Variants in LATS2 observed in about 807,000 individuals in gnomAD.
LATS2 encodes serine/threonine-protein kinase LATS2.
A neutral mutation model predicts 76.0 loss-of-function variants in LATS2; 24 were observed. The ratio of observed to expected loss-of-function variants is 0.32; its 90% confidence interval spans 0.23 to 0.44. The LOEUF (loss-of-function observed/expected upper bound fraction) is 0.44, where lower values mean the gene tolerates loss of function less well. Among genes scored for constraint, LATS2 ranks in the 20% least tolerant of loss-of-function variants. The probability of loss-of-function intolerance (pLI) is 1.00; values close to 1 mark genes in which losing one functional copy is unlikely to be tolerated. For missense variants in LATS2, 1,286 were observed against 1,481.2 expected, an observed-to-expected ratio of 0.87 and a Z score of 2.16; for synonymous variants, 692 against 635.4, an observed-to-expected ratio of 1.09 and a Z score of -1.34.
intron 2 of LATS2, among the ~76,000 whole-genome samples, chr13:21,041,602 G>C (rs1441512348): frequency 6.6e-6 from 1 of 152,126 alleles, no homozygotes; most frequent in Non-Finnish European, 1.5e-5. Flanking sequence ...CCCCTCAGCA[G>C]ATCAGAGGGA....
chr13:21,022,896 A>T (rs1362172291), intron 2 of LATS2, among the ~76,000 whole-genome samples: 2 of 152,258 alleles, frequency 1.3e-5, no homozygotes, highest in East Asian at 1.9e-4. Flanking sequence ...CCTAGAACAC[A>T]TCTATAATCT....
At chr13:20,999,863 CAAAAAAAA>C (rs34389397) in intron 2 of LATS2, among the ~76,000 whole-genome samples, 3 of 136,196 alleles carry the variant, frequency 2.2e-5, no homozygotes, top group African/African-American at 5.4e-5. Context: ...ACTAAACATA[CAAAAAAAA>C]AAAAAAAATA....
intron 2 of LATS2, among the ~76,000 whole-genome samples, chr13:21,013,585 TC>T: frequency 6.6e-6 from 1 of 152,316 alleles, no homozygotes; most frequent in African/African-American, 2.4e-5. Flanking sequence ...TACATCCCTT[TC>T]CCGTTTATGT....
intron 1 of LATS2, among the ~76,000 whole-genome samples, chr13:21,060,790 G>C (rs1276909748): frequency 6.6e-6 from 1 of 151,388 alleles, no homozygotes; most frequent in African/African-American, 2.4e-5. Flanking sequence ...GGACTGATTG[G>C]CCCGTGGGAC....
chr13:20,993,035 C>CCA (rs1870576501), intron 2 of LATS2, among the ~76,000 whole-genome samples: 2 of 88,974 alleles, frequency 2.2e-5, no homozygotes, highest in Non-Finnish European at 4.1e-5. Flanking sequence ...ACTCCATCTC[C>CCA]AAAAAAAAAA....
intron 2 of LATS2, among the ~76,000 whole-genome samples, chr13:21,026,786 T>C (rs1565958899): frequency 6.6e-6 from 1 of 152,234 alleles, no homozygotes; most frequent in Non-Finnish European, 1.5e-5. Context: ...CAAAACCTCA[T>C]GTCAATTTTT....
At chr13:21,024,757 A>T (rs1872239862) in intron 2 of LATS2, among the ~76,000 whole-genome samples, 1 of 151,824 alleles carries the variant, frequency 6.6e-6, no homozygotes, top group Non-Finnish European at 1.5e-5. Context: ...AAATATTAAC[A>T]TTTCAACAAG....
intron 2 of LATS2, among the ~76,000 whole-genome samples, chr13:21,017,073 C>T (rs1482144968): frequency 1.3e-5 from 2 of 152,164 alleles, no homozygotes; most frequent in Non-Finnish European, 2.9e-5. Context: ...TGCTTCTTAC[C>T]CAGATTTCTA....
intron 2 of LATS2, among the ~76,000 whole-genome samples, chr13:21,043,428 T>C (rs898712188): frequency 3.5e-4 from 53 of 152,362 alleles, no homozygotes; most frequent in African/African-American, 1.3e-3. Flanking sequence ...TCTTTTTCTC[T>C]TATTATTTGG....
rs1869463645 is a variant in LATS2 at position 20,973,980 on chromosome 13, C to CCG, written c.*889_*890insCG. 1 of 201,612 alleles carries CCG rather than the reference C, an allele frequency of 5.0e-6. No individual in the cohort carries two copies. The highest frequency in any genetic ancestry group is 2.4e-5 in the African/African-American group (1 of 41,536). 12.5% of individuals were successfully genotyped at this position (201,612 alleles called of 1,614,324 possible). On this transcript the variant is annotated 3_prime_UTR_variant, in exon 8 of 8. Coordinates refer to ENST00000382592, the MANE Select transcript of LATS2 (RefSeq NM_014572.3). ...TGACAAATGTTTCAGTTCCCCCCCC[C>CCG]CAAAGAATCCAATCACAACCAAGAC...
intron 2 of LATS2, among the ~76,000 whole-genome samples, chr13:21,029,515 G>A (rs1011016419): frequency 3.9e-5 from 6 of 152,170 alleles, no homozygotes; most frequent in African/African-American, 2.4e-5. Context: ...TTGGAATGTC[G>A]GGTGCGGTGG....
intron 2 of LATS2, among the ~76,000 whole-genome samples, chr13:20,999,102 G>A (rs983623267): frequency 5.3e-5 from 8 of 152,274 alleles, no homozygotes; most frequent in Non-Finnish European, 1.0e-4. Flanking sequence ...CGCAGCACGT[G>A]CCGTGTGCGA....
chr13:21,017,568 A>C (rs1206935088), intron 2 of LATS2, among the ~76,000 whole-genome samples: 1 of 152,106 alleles, frequency 6.6e-6, no homozygotes, highest in Non-Finnish European at 1.5e-5. Context: ...TCACTAAAAA[A>C]TGCTTGGGTG....
chr13:21,011,954 A>G (rs1000048775), intron 2 of LATS2, among the ~76,000 whole-genome samples: 4 of 152,240 alleles, frequency 2.6e-5, no homozygotes, highest in African/African-American at 9.6e-5. Context: ...TTTAAGCAAA[A>G]TGATGTCTAA....
At chr13:21,057,558 T>G (rs367902164) in intron 1 of LATS2, among the ~76,000 whole-genome samples, 1 of 152,186 alleles carries the variant, frequency 6.6e-6, no homozygotes, top group Non-Finnish European at 1.5e-5. Context: ...GGCTCATGCC[T>G]GTAGGCGGGT....
rs1869428109 is a variant in LATS2, at chr13:20,973,449, CT to C, written c.*1420del. 1 of 231,980 alleles carries C rather than the reference CT, an allele frequency of 4.3e-6. No individual in the cohort carries two copies. Among genetic ancestry groups the C allele is most frequent in the Non-Finnish European group, 8.5e-6 (1 of 117,286 alleles). 14.4% of individuals were successfully genotyped at this position (231,980 alleles called of 1,614,324 possible). On this transcript the variant is annotated 3_prime_UTR_variant, in exon 8 of 8. Transcript: ENST00000382592. ...AAGCAAAAAAGAATTGAACTTTTTA[CT>C]CAAATATAAATCACTTTAAATAGGA...
In LATS2 at chr13:21,007,668, G is replaced by GTATATATATATAGTGTATATATA. The variant is rs1871369308; in HGVS notation, c.343-16265_343-16264insTATATATACACTATATATATATA. On this transcript the variant is annotated intron_variant, in intron 2 of 7. Transcript: ENST00000382592. ...TAGTGTGTGTATATATATATAGTGT[G>GTATATATATATAGTGTATATATA]TATATATATATATAGTATATATATA... Among the ~76,000 whole-genome samples, 3 of 1,262 alleles carry GTATATATATATAGTGTATATATA rather than the reference G, an allele frequency of 2.4e-3. 1 individual carries two copies. Among genetic ancestry groups the GTATATATATATAGTGTATATATA allele is most frequent in the Non-Finnish European group, 4.4e-3 (3 of 678 alleles). The allele number at this position is 1,262 out of a possible 152,430, so 0.8% of individuals were successfully genotyped here.
At position 20,988,682 on chromosome 13, in the gene LATS2, G is replaced by A. The variant is rs1346802071; in HGVS notation, c.1098C>T (p.Ser366=). The stretch of plus-strand genomic sequence containing the variant: ...GGGTGGCAGCCGGCCACTGCTGGAC[G>A]GAGGTGCTGCCCAATTCATACAGGT... The part of the protein sequence containing the change: ...NVDLYELGST[S]VQQWPAATLA... Residue 366 remains serine, a synonymous_variant, in exon 4 of 8, where the codon TCC becomes TCT. Transcript: ENST00000382592. The A allele has an allele frequency of 1.3e-6, 2 of 1,573,938 alleles. No homozygotes were observed. Among genetic ancestry groups the A allele is most frequent in the South Asian group, 1.2e-5 (1 of 86,630 alleles).
Position 20,991,260 on chromosome 13 carries a change from G to T in LATS2, c.475+12C>A. 1 of 1,614,110 alleles carries T rather than the reference G, an allele frequency of 6.2e-7. No homozygotes were observed. Among genetic ancestry groups the T allele is most frequent in the Non-Finnish European group, 8.5e-7 (1 of 1,179,990 alleles). On this transcript the variant is annotated intron_variant, in intron 3 of 7. Coordinates refer to ENST00000382592, the MANE Select transcript of LATS2 (RefSeq NM_014572.3). This position sits in a 1 kb window ranked among gnomAD's most constrained non-coding sequence, Gnocchi z 4.9. ...ACCATCTTTGCCCACTATGCTGCAG[G>T]CCTGGGCTCACCTGGGGAGGTCTGC...
Sources: allele counts gnomAD v4.1 joint callset (sites outside exome capture counted in the v4.1 genomes callset), GRCh38; gene constraint gnomAD v4.1.1; non-coding constraint Gnocchi (gnomAD v3.1); transcripts MANE v1.5; gene names NCBI Gene and HGNC (gene_info 2026-07-23, HGNC 2026-07-21).